TMCO1: variants seen among roughly 807,000 people sequenced by gnomAD.
TMCO1 encodes the protein calcium load-activated calcium channel.
A neutral mutation model predicts 29.3 loss-of-function variants in TMCO1; 29 were observed. That is an observed-to-expected ratio of 0.99 (90% CI 0.74 to 1.35). The LOEUF is 1.35. TMCO1 is among the 40% of genes most tolerant of loss of function. The pLI is 0.00. For synonymous variants in TMCO1, 80 were observed against 77.1 expected (o/e 1.04, Z -0.20); for missense variants, 173 against 225.5 (o/e 0.77, Z 1.49).
intron 5 of TMCO1, among the ~76,000 whole-genome samples, chr1:165,747,838 G>T (rs1651855517): frequency 6.6e-6 from 1 of 152,118 alleles, no homozygotes; most frequent in South Asian, 2.1e-4. Flanking sequence ...ATAAAGATTA[G>T]AATTCTTATC....
chr1:165,731,914 A>G (rs1651175068), intron 6 of TMCO1, among the ~76,000 whole-genome samples: 1 of 152,246 alleles, frequency 6.6e-6, no homozygotes, highest in Non-Finnish European at 1.5e-5. Flanking sequence ...TTACACAGGT[A>G]TTTGTATTTT....
At chr1:165,756,548 A>G (rs1451026610) in intron 3 of TMCO1, among the ~76,000 whole-genome samples, 2 of 152,208 alleles carry the variant, frequency 1.3e-5, no homozygotes, top group Non-Finnish European at 1.5e-5. Flanking sequence ...TTTTCTTCTT[A>G]TAAGAGGGAA....
intron 3 of TMCO1, 23 bp from the exon 4 acceptor site, chr1:165,754,297 TTAA>T (rs772273717): frequency 1.9e-6 from 3 of 1,587,818 alleles, no homozygotes; most frequent in Non-Finnish European, 1.7e-6. Context: ...AATGAGATGG[TTAA>T]TACATACAAT....
At chr1:165,737,350 T>A (rs1038865461) in intron 6 of TMCO1, among the ~76,000 whole-genome samples, 1 of 151,828 alleles carries the variant, frequency 6.6e-6, no homozygotes, top group Non-Finnish European at 1.5e-5. Context: ...AAAAAAGATT[T>A]AAAAAAATTC....
chr1:165,729,653 G>C (rs1337442979), intron 6 of TMCO1, among the ~76,000 whole-genome samples: 1 of 152,124 alleles, frequency 6.6e-6, no homozygotes, highest in Non-Finnish European at 1.5e-5. Flanking sequence ...AAAAACCTTA[G>C]AGATCCTGAT....
At chr1:165,749,809 A>G (rs555193291) in intron 5 of TMCO1, among the ~76,000 whole-genome samples, 2 of 152,324 alleles carry the variant, frequency 1.3e-5, no homozygotes, top group African/African-American at 2.4e-5. Context: ...AATAGCCTCT[A>G]TATGTAAAAA....
At chr1:165,735,182 C>T (rs1651319633) in intron 6 of TMCO1, among the ~76,000 whole-genome samples, 1 of 152,142 alleles carries the variant, frequency 6.6e-6, no homozygotes, top group African/African-American at 2.4e-5. Context: ...CCTCTTTCTC[C>T]CGTATCTTTC....
At chr1:165,768,547 C>T (rs1188819668) in intron 1 of TMCO1, 135 bp downstream of exon 1, 3 of 1,565,106 alleles carry the variant, frequency 1.9e-6, no homozygotes, top group Admixed American at 1.9e-5. Context: ...ACGAGTTGCC[C>T]AGAGATTCCC....
chr1:165,752,249 GTCA>G, intron 4 of TMCO1, 80 bp from the exon 5 acceptor site: 1 of 799,784 alleles, frequency 1.3e-6, no homozygotes, highest in South Asian at 1.6e-5. Flanking sequence ...TTGGTTTCAT[GTCA>G]TTTTTTTTTT....
chr1:165,736,399 C>T (rs1267162227), intron 6 of TMCO1, among the ~76,000 whole-genome samples: 1 of 152,100 alleles, frequency 6.6e-6, no homozygotes, highest in African/African-American at 2.4e-5. Context: ...CTAGATATAT[C>T]AAGAAACTGG....
chr1:165,735,411 A>G (rs942842899), intron 6 of TMCO1, among the ~76,000 whole-genome samples: 1 of 152,188 alleles, frequency 6.6e-6, no homozygotes, highest in Non-Finnish European at 1.5e-5. Context: ...CTGGAAAACC[A>G]CAGCTACTGG....
Position 165,727,600 on chromosome 1 carries a change from A to G in TMCO1, c.*423T>C, listed in dbSNP as rs1441341646. 4.6e-6 allele frequency: 2 copies of G among 431,648 alleles called. No homozygotes were observed. Among genetic ancestry groups the G allele is most frequent in the East Asian group, 7.0e-5 (1 of 14,278 alleles). 26.7% of individuals were successfully genotyped at this position (431,648 alleles called of 1,614,324 possible). A position where few individuals can be genotyped will look rare whatever the true frequency, so the allele number is the denominator to read the frequency against. On this transcript the variant is annotated 3_prime_UTR_variant, in exon 7 of 7. Transcript: ENST00000367881. ...GATCTTATGTCATGTATTTGGCTTG[A>G]AAAAAAAACAACAACAAAACAAACA...
intron 6 of TMCO1, among the ~76,000 whole-genome samples, chr1:165,741,910 G>C (rs147679046): frequency 3.9e-4 from 60 of 152,280 alleles, no homozygotes; most frequent in African/African-American, 1.4e-3. Flanking sequence ...GTTTCCTGAG[G>C]ACTTCCCAGA....
chr1:165,735,387 G>C (rs1197352146), intron 6 of TMCO1, among the ~76,000 whole-genome samples: 1 of 151,750 alleles, frequency 6.6e-6, no homozygotes, highest in Non-Finnish European at 1.5e-5. Context: ...CTGGTTTGAA[G>C]AATCAAAAAG....
intron 6 of TMCO1, among the ~76,000 whole-genome samples, chr1:165,735,235 G>T (rs1034590261): frequency 3.9e-5 from 6 of 152,098 alleles, no homozygotes; most frequent in Non-Finnish European, 7.3e-5. Flanking sequence ...CTTCTTTGAG[G>T]ATCAGTCAAG....
downstream of TMCO1, chr1:165,726,331 C>T: frequency 1.5e-6 from 1 of 687,530 alleles, no homozygotes; most frequent in East Asian, 2.7e-5. Context: ...TGTTTCCACC[C>T]ACGTTGACTA....
chr1:165,725,014 CTCTCTCTCTCTA>C (rs755383893), downstream of TMCO1: 1,276 of 197,262 alleles, frequency 6.5e-3, 6 homozygotes, highest in African/African-American at 0.025. Flanking sequence ...CTCTCTCTCT[CTCTCTCTCTCTA>C]TATATATATA....
In TMCO1 at chr1:165,768,365, T is replaced by G; in HGVS notation, c.71-96A>C. 6 of 1,504,936 alleles carry G rather than the reference T, an allele frequency of 4.0e-6. No homozygotes were observed. In the South Asian group the frequency reaches 6.9e-5, roughly 17 times the overall value. 93.2% of individuals were successfully genotyped at this position (1,504,936 alleles called of 1,614,324 possible). A position where few individuals can be genotyped will look rare whatever the true frequency, so the allele number is the denominator to read the frequency against. ...TTGGAGAAGGAGGAATTCCAACTTTTCGCTTTGTATTTACCCATAGTTAAC... is the reference window on the plus strand; with the variant it reads ...TTGGAGAAGGAGGAATTCCAACTTTGCGCTTTGTATTTACCCATAGTTAAC... On this transcript the variant is annotated intron_variant, in intron 1 of 6. Coordinates refer to ENST00000367881, the MANE Select transcript of TMCO1 (RefSeq NM_019026.6).
rs1553250047 is a variant in TMCO1, at chr1:165,746,453, T to TCTCACACA, written c.324-3143_324-3142insTGTGTGAG. 2.3e-5 allele frequency among the ~76,000 whole-genome samples: 3 copies of TCTCACACA among 132,420 alleles called. No individual in the cohort carries two copies. In the Admixed American group the frequency reaches 2.5e-4, roughly 11 times the overall value. 86.9% of individuals were successfully genotyped at this position (132,420 alleles called of 152,430 possible). The stretch of plus-strand genomic sequence containing the variant: ...ACTTCTATAGCTTGGAAGACCTATA[T>TCTCACACA]CACACACACACACACACACACACAC... On this transcript the variant is annotated intron_variant, in intron 5 of 6. Transcript: ENST00000367881.
Sources: allele counts gnomAD v4.1 joint callset (sites outside exome capture counted in the v4.1 genomes callset), GRCh38; gene constraint gnomAD v4.1.1; transcripts MANE v1.5; gene names NCBI Gene and HGNC (gene_info 2026-07-23, HGNC 2026-07-21).